Variants in PUS1 observed in about 807,000 individuals in gnomAD.
The protein encoded by PUS1 is pseudouridine synthase 1.
Under a neutral mutation model 38.5 loss-of-function variants are expected in PUS1, and 25 were observed. The ratio of observed to expected loss-of-function variants is 0.65; its 90% CI spans 0.47 to 0.91. The LOEUF is 0.91. Ranked by LOEUF, PUS1 falls within the 40% of genes least tolerant of loss-of-function variation. The pLI, the probability that PUS1 is intolerant of heterozygous loss-of-function variation, is 0.00. For synonymous variants in PUS1, 282 were observed against 260.4 expected (o/e 1.08, Z -0.80); for missense variants, 597 against 612.3 (o/e 0.97, Z 0.26).
intron 2 of PUS1, among the ~76,000 whole-genome samples, chr12:131,930,994 T>G (rs1358469292): frequency 6.6e-6 from 1 of 152,188 alleles, no homozygotes; most frequent in African/African-American, 2.4e-5. Flanking sequence ...CTTTTTGTAG[T>G]TACCACTGTG....
rs561744467 is a variant in PUS1, at chr12:131,929,942, C to G, written c.110C>G (p.Pro37Arg). 3.6e-4 allele frequency: 544 copies of G among 1,491,900 alleles called. 13 individuals carry two copies. The South Asian group carries it at 6.6e-3, about 18-fold the overall frequency. 92.4% of individuals were successfully genotyped at this position (1,491,900 alleles called of 1,614,324 possible). A position where few individuals can be genotyped will look rare whatever the true frequency, so the allele number is the denominator to read the frequency against. The part of the protein sequence containing the change: ...PRMAGNAEPP[P>R]AGAACPQDRR... ...ATGGCCGGGAACGCGGAGCCGCCGC[C>G]CGCCGGAGCCGCATGCCCCCAGGAC... is the stretch of plus-strand genomic sequence containing the variant. The change falls in exon 2 of 6, where the codon CCC becomes CGC. Residue 37 changes from proline to arginine, a missense_variant. Physicochemically the swap from Pro to Arg is moderately radical, Grantham distance 103. Coordinates refer to ENST00000376649, the MANE Select transcript of PUS1 (RefSeq NM_025215.6).
intron 3 of PUS1, among the ~76,000 whole-genome samples, chr12:131,933,088 A>G (rs1890679610): frequency 6.6e-6 from 1 of 151,876 alleles, no homozygotes; most frequent in South Asian, 2.1e-4. Context: ...GTCACCTCCC[A>G]CCAGGTCTTC....
rs1482066019 is a variant in PUS1, at chr12:131,941,765, T to C, written c.1018T>C (p.Phe340Leu). The C allele has an allele frequency of 6.2e-7, 1 of 1,613,524 alleles. No individual in the cohort carries two copies. The highest frequency in any genetic ancestry group is 8.5e-7 in the Non-Finnish European group (1 of 1,179,700). ...CGGCCTGGTCCTGGAGAGGGTGCAC[T>C]TCGAGAAGTACAACCAGCGCTTTGG... ...GLGLVLERVH[F>L]EKYNQRFGND... The change falls in exon 5 of 6, where the codon TTC becomes CTC. Residue 340 changes from phenylalanine (F) to leucine (L), a missense_variant. Transcript: ENST00000376649. The surrounding 1 kb of genome is among the most constrained non-coding windows in gnomAD (Gnocchi z 4.4).
intron 5 of PUS1, among the ~76,000 whole-genome samples, chr12:131,942,501 G>T (rs566597181): frequency 4.1e-4 from 62 of 152,102 alleles, no homozygotes; most frequent in Non-Finnish European, 7.8e-4. Context: ...CCGCCTCCCG[G>T]GTTCACGCCA....
chr12:131,943,178 G>C (rs1891164767), intron 5 of PUS1, among the ~76,000 whole-genome samples: 1 of 152,262 alleles, frequency 6.6e-6, no homozygotes, highest in African/African-American at 2.4e-5. Context: ...TGCTGATTTG[G>C]CCTGGGCCAG....
intron 3 of PUS1, among the ~76,000 whole-genome samples, chr12:131,933,388 T>G (rs904782536): frequency 3.3e-5 from 5 of 152,140 alleles, no homozygotes; most frequent in African/African-American, 9.7e-5. Context: ...GATATCCTCA[T>G]TTCGGCGTGT....
intron 5 of PUS1, among the ~76,000 whole-genome samples, chr12:131,942,694 C>CA (rs1891144092): frequency 1.3e-5 from 2 of 152,252 alleles, no homozygotes; most frequent in African/African-American, 2.4e-5. Context: ...TCGTGAGCCA[C>CA]TGCGTCCGGC....
At position 131,945,163 on chromosome 12, in the gene PUS1, A is replaced by G. The variant is rs756900645; in HGVS notation, c.*1577A>G. Reference sequence around the variant, plus strand: ...GTCGCCCCAGCAGTGCGTGAGTGACATGTGCACGTGCCCATGATGCGGTGG... The same window carrying G: ...GTCGCCCCAGCAGTGCGTGAGTGACGTGTGCACGTGCCCATGATGCGGTGG... On this transcript the variant is annotated 3_prime_UTR_variant, in exon 6 of 6. Coordinates refer to ENST00000376649, the MANE Select transcript of PUS1 (RefSeq NM_025215.6). 2 of 152,360 alleles carry G rather than the reference A, an allele frequency of 1.3e-5. No individual in the cohort carries two copies. The highest frequency in any genetic ancestry group is 2.4e-5 in the African/African-American group (1 of 41,466). 9.4% of individuals were successfully genotyped at this position (152,360 alleles called of 1,614,324 possible). A position where few individuals can be genotyped will look rare whatever the true frequency, so the allele number is the denominator to read the frequency against.
intron 5 of PUS1, among the ~76,000 whole-genome samples, chr12:131,942,974 G>A (rs1891156547): frequency 6.6e-6 from 1 of 152,236 alleles, no homozygotes; most frequent in South Asian, 2.1e-4. Flanking sequence ...CGGTGGCCAG[G>A]AGCCTCGTTT....
intron 3 of PUS1, among the ~76,000 whole-genome samples, chr12:131,938,300 C>T (rs1890918011): frequency 6.6e-6 from 1 of 152,026 alleles, no homozygotes. Flanking sequence ...TGAAAACTAG[C>T]CAGGCATCGT....
intron 3 of PUS1, chr12:131,932,583 C>G (rs1890653526): frequency 1.8e-6 from 1 of 559,704 alleles, no homozygotes; most frequent in African/African-American, 1.9e-5. Flanking sequence ...CACATTCTTG[C>G]AGGTGGCACA....
chr12:131,939,409 C>A, intron 4 of PUS1, 134 bp downstream of exon 4: 1 of 716,004 alleles, frequency 1.4e-6, no homozygotes, highest in Non-Finnish European at 2.5e-6. Flanking sequence ...GCAGCTGGTT[C>A]TGACCTTCAG....
intron 3 of PUS1, among the ~76,000 whole-genome samples, chr12:131,938,323 T>G (rs1444493337): frequency 6.6e-6 from 1 of 152,098 alleles, no homozygotes; most frequent in African/African-American, 2.4e-5. Context: ...TGCCTGTCTG[T>G]AGTCTCAGCT....
intron 3 of PUS1, among the ~76,000 whole-genome samples, chr12:131,936,379 A>G (rs1201161852): frequency 6.6e-6 from 1 of 151,746 alleles, no homozygotes; most frequent in Non-Finnish European, 1.5e-5. Context: ...CCTGGTCAAT[A>G]TGGCGAAACC....
At position 131,929,288 on chromosome 12, in the gene PUS1, C is replaced by T. The variant is rs1454968562; in HGVS notation, c.-435C>T. The T allele has an allele frequency of 1.7e-5, 3 of 177,178 alleles. No homozygotes were observed. The highest frequency in any genetic ancestry group is 2.4e-5 in the African/African-American group (1 of 42,370). 11.0% of individuals were successfully genotyped at this position (177,178 alleles called of 1,614,324 possible). ...CCGGCTCCGGCTCAGTCAGCCGCGTCGCGAATGGGGCAGGAGCGAGCCTCT... is the reference window on the plus strand; with the variant it reads ...CCGGCTCCGGCTCAGTCAGCCGCGTTGCGAATGGGGCAGGAGCGAGCCTCT... On this transcript the variant is annotated 5_prime_UTR_variant, in exon 1 of 6. Coordinates refer to ENST00000376649, the MANE Select transcript of PUS1 (RefSeq NM_025215.6).
rs907167915 is a variant in PUS1 at position 131,944,580 on chromosome 12, G to C, written c.*994G>C. The C allele has an allele frequency of 2.0e-5, 3 of 152,268 alleles. No homozygotes were observed. Among genetic ancestry groups the C allele is most frequent in the African/African-American group, 7.2e-5 (3 of 41,426 alleles). 9.4% of individuals were successfully genotyped at this position (152,268 alleles called of 1,614,324 possible). A position where few individuals can be genotyped will look rare whatever the true frequency, so the allele number is the denominator to read the frequency against. ...GGTGGTCCCGAGGCAGGGCTGTGGA[G>C]GGCACTGAAGCAGGGGCCCCGCTGA... On this transcript the variant is annotated 3_prime_UTR_variant, in exon 6 of 6. Coordinates refer to ENST00000376649, the MANE Select transcript of PUS1 (RefSeq NM_025215.6).
chr12:131,936,394 C>T (rs1179653440), intron 3 of PUS1, among the ~76,000 whole-genome samples: 1 of 148,678 alleles, frequency 6.7e-6, no homozygotes, highest in Admixed American at 6.8e-5. Context: ...GAAACCCCGT[C>T]TCTACTAAAA....
chr12:131,933,376 A>G (rs1460965508), intron 3 of PUS1, among the ~76,000 whole-genome samples: 1 of 152,170 alleles, frequency 6.6e-6, no homozygotes, highest in African/African-American at 2.4e-5. Context: ...GAGTATATTC[A>G]GGATATCCTC....
At position 131,931,641 on chromosome 12, in the gene PUS1, A is replaced by G. The variant is rs944314760; in HGVS notation, c.304-534A>G. On this transcript the variant is annotated intron_variant, in intron 2 of 5. Transcript: ENST00000376649. The stretch of plus-strand genomic sequence containing the variant: ...ACATTATCAGTTCACTGCAACCTCC[A>G]CTTCCCAGGTTCAAGCGATTCTCCT... The G allele has an allele frequency of 2.3e-4, 39 of 169,992 alleles. 1 individual carries two copies. Among genetic ancestry groups the G allele is most frequent in the Non-Finnish European group, 7.7e-5 (6 of 78,028 alleles). 10.5% of individuals were successfully genotyped at this position (169,992 alleles called of 1,614,324 possible). A position where few individuals can be genotyped will look rare whatever the true frequency, so the allele number is the denominator to read the frequency against.
Sources: allele counts gnomAD v4.1 joint callset (sites outside exome capture counted in the v4.1 genomes callset), GRCh38; gene constraint gnomAD v4.1.1; non-coding constraint Gnocchi (gnomAD v3.1); transcripts MANE v1.5; gene names NCBI Gene and HGNC (gene_info 2026-07-23, HGNC 2026-07-21).